The following GRB2 variants were observed in gnomAD, a reference collection of about 807,000 sequenced individuals.
GRB2 encodes growth factor receptor bound protein 2.
Under a neutral mutation model 27.4 loss-of-function variants are expected in GRB2, and 2 were observed. The ratio of observed to expected loss-of-function variants is 0.07; its 90% CI spans 0.03 to 0.23. The LOEUF is 0.23. Ranked by LOEUF, GRB2 falls within the 10% of genes least tolerant of loss-of-function variation. The probability of loss-of-function intolerance (pLI) is 1.00; values close to 1 mark genes in which losing one functional copy is unlikely to be tolerated. For missense variants in GRB2, 102 were observed against 282.4 expected (o/e 0.36, Z 4.58); for synonymous variants, 94 against 99.6 (o/e 0.94, Z 0.33).
chr17:75,352,140 T>C lies in GRB2; in HGVS notation c.79-19343A>G, dbSNP rs896454658. 5.3e-5 allele frequency among the ~76,000 whole-genome samples: 8 copies of C among 152,346 alleles called. No homozygotes were observed. The East Asian group carries it at 1.2e-3, about 22-fold the overall frequency. On this transcript the variant is annotated intron_variant, in intron 2 of 5. Coordinates refer to ENST00000316804, the MANE Select transcript of GRB2 (RefSeq NM_002086.5). ...CTCTAGTAATTAATTACCCAGGTCC[T>C]GGCCTCCTTCAGGCAGCTACACAGC...
intron 1 of GRB2, among the ~76,000 whole-genome samples, chr17:75,404,380 G>A (rs2079084372): frequency 6.6e-6 from 1 of 152,002 alleles, no homozygotes; most frequent in African/African-American, 2.4e-5. Context: ...CGCAGGGGAC[G>A]CGCAAAAGTA....
chr17:75,372,276 C>T (rs1237840295), intron 2 of GRB2: 4 of 152,200 alleles, frequency 2.6e-5, no homozygotes. Flanking sequence ...ATCTATCTGC[C>T]TCTGCACAGG....
chr17:75,326,846 C>T (rs2078501650), intron 3 of GRB2, among the ~76,000 whole-genome samples: 1 of 152,004 alleles, frequency 6.6e-6, no homozygotes, highest in African/African-American at 2.4e-5. Context: ...GTCAAGCTGC[C>T]TCACTATTTC....
chr17:75,342,340 C>T (rs2078626662), intron 2 of GRB2, among the ~76,000 whole-genome samples: 1 of 152,090 alleles, frequency 6.6e-6, no homozygotes, highest in African/African-American at 2.4e-5. Context: ...GGGGAACTGA[C>T]TTATATGTGG....
At chr17:75,366,529 G>A (rs976845205) in intron 2 of GRB2, among the ~76,000 whole-genome samples, 3 of 147,170 alleles carry the variant, frequency 2.0e-5, no homozygotes, top group Non-Finnish European at 3.0e-5. Context: ...GCCAGCTGCC[G>A]TGGCTCACAC....
intron 1 of GRB2, among the ~76,000 whole-genome samples, chr17:75,400,618 G>A (rs1378599362): frequency 6.6e-6 from 1 of 152,066 alleles, no homozygotes; most frequent in Non-Finnish European, 1.5e-5. Flanking sequence ...TGGGATTCCA[G>A]GCGTGTCACC....
chr17:75,335,917 C>T (rs1166167212), intron 2 of GRB2, among the ~76,000 whole-genome samples: 1 of 152,158 alleles, frequency 6.6e-6, no homozygotes, highest in East Asian at 1.9e-4. Flanking sequence ...CTGCATTGTG[C>T]TGCAGCCAGC....
chr17:75,348,662 G>A (rs993576656), intron 2 of GRB2, among the ~76,000 whole-genome samples: 4 of 152,074 alleles, frequency 2.6e-5, no homozygotes, highest in African/African-American at 7.2e-5. Context: ...AGAATTCACC[G>A]CTACATGTTT....
intron 1 of GRB2, among the ~76,000 whole-genome samples, chr17:75,396,120 C>T (rs767805386): frequency 6.6e-5 from 10 of 152,194 alleles, no homozygotes; most frequent in Middle Eastern, 3.4e-3. Context: ...TTACAGGCAT[C>T]GGCCGCTGTG....
intron 4 of GRB2, among the ~76,000 whole-genome samples, chr17:75,322,265 G>A (rs778572664): frequency 6.6e-6 from 1 of 151,816 alleles, no homozygotes; most frequent in African/African-American, 2.4e-5. Context: ...CCAGCTACTC[G>A]GGAGGCTGAG....
chr17:75,342,396 G>A (rs770074957), intron 2 of GRB2, among the ~76,000 whole-genome samples: 2 of 152,110 alleles, frequency 1.3e-5, no homozygotes, highest in Non-Finnish European at 2.9e-5. Flanking sequence ...GTGCCCTAGA[G>A]CAAGCTGGGT....
At chr17:75,404,547 G>A (rs1255886766) in intron 1 of GRB2, among the ~76,000 whole-genome samples, 1 of 147,026 alleles carries the variant, frequency 6.8e-6, no homozygotes, top group African/African-American at 2.5e-5. Flanking sequence ...AAAAAAAGGG[G>A]GGGGTGGGGG....
chr17:75,383,595 G>C (rs1357805726), intron 2 of GRB2, among the ~76,000 whole-genome samples: 2 of 152,182 alleles, frequency 1.3e-5, no homozygotes, highest in Non-Finnish European at 1.5e-5. Context: ...TGTAATCCCA[G>C]CATTTTGGGA....
chr17:75,362,312 G>A (rs1169430577), intron 2 of GRB2, among the ~76,000 whole-genome samples: 3 of 152,122 alleles, frequency 2.0e-5, no homozygotes, highest in Non-Finnish European at 4.4e-5. Flanking sequence ...TACCACAGAT[G>A]AAAATACACA....
chr17:75,354,475 C>CAGA (rs2145842782), intron 2 of GRB2, among the ~76,000 whole-genome samples: 1 of 152,222 alleles, frequency 6.6e-6, no homozygotes, highest in African/African-American at 2.4e-5. Context: ...ATTGCCAGTG[C>CAGA]TTCTCGTAGG....
At chr17:75,324,520 T>TTTTTTG (rs2078484729) in intron 4 of GRB2, among the ~76,000 whole-genome samples, 1 of 78,470 alleles carries the variant, frequency 1.3e-5, no homozygotes, top group South Asian at 4.5e-4. Context: ...TTTTTTTTTT[T>TTTTTTG]TTTTTTTTTT....
At chr17:75,393,327 T>C in intron 2 of GRB2, 2 of 575,856 alleles carry the variant, frequency 3.5e-6, no homozygotes, top group Non-Finnish European at 6.2e-6. Flanking sequence ...AACAGACAAA[T>C]GAGGCATTCA....
At chr17:75,350,235 G>GAA (rs35602764) in intron 2 of GRB2, among the ~76,000 whole-genome samples, 1,688 of 130,946 alleles carry the variant, frequency 0.013, 45 homozygotes, top group African/African-American at 0.032. Context: ...TCTCTGAGGG[G>GAA]AAAAAAAAAA....
intron 2 of GRB2, among the ~76,000 whole-genome samples, chr17:75,352,937 G>C (rs1211932150): frequency 6.7e-6 from 1 of 150,178 alleles, no homozygotes; most frequent in Non-Finnish European, 1.5e-5. Flanking sequence ...TGTAATCCCA[G>C]CACTTTGGGA....
Sources: allele counts gnomAD v4.1 joint callset (sites outside exome capture counted in the v4.1 genomes callset), GRCh38; gene constraint gnomAD v4.1.1; transcripts MANE v1.5; gene names NCBI Gene and HGNC (gene_info 2026-07-23, HGNC 2026-07-21).